Variants in ZNF521 observed in about 807,000 individuals in gnomAD.
ZNF521 encodes the protein zinc finger protein 521.
In ZNF521, 14 loss-of-function variants were observed where a neutral mutation model predicts 105.5. The ratio of observed to expected loss-of-function variants is 0.13; its 90% CI spans 0.09 to 0.21. ZNF521 has a LOEUF of 0.21. ZNF521 is among the 10% of genes least tolerant of loss of function. The pLI, the probability that ZNF521 is intolerant of heterozygous loss-of-function variation, is 1.00. For missense variants in ZNF521, 1,233 were observed against 1,629.7 expected (o/e 0.76, Z 4.19); for synonymous variants, 635 against 606.0 (o/e 1.05, Z -0.70).
At chr18:25,105,317 C>G (rs2034049704) in intron 5 of ZNF521, among the ~76,000 whole-genome samples, 1 of 152,132 alleles carries the variant, frequency 6.6e-6, no homozygotes, top group South Asian at 2.1e-4. Context: ...ATCACTATGG[C>G]CTTAATTCAC....
At chr18:25,332,476 A>G (rs1285101800) in intron 2 of ZNF521, among the ~76,000 whole-genome samples, 1 of 152,146 alleles carries the variant, frequency 6.6e-6, no homozygotes, top group African/African-American at 2.4e-5. Flanking sequence ...ATTTTAAAAT[A>G]CATACAACCC....
intron 5 of ZNF521, among the ~76,000 whole-genome samples, chr18:25,165,613 C>G (rs1377526169): frequency 6.6e-6 from 1 of 152,190 alleles, no homozygotes; most frequent in Non-Finnish European, 1.5e-5. Flanking sequence ...TTCTCATACT[C>G]CTACAAGGTG....
At chr18:25,197,380 T>C (rs2035920236) in intron 4 of ZNF521, among the ~76,000 whole-genome samples, 1 of 151,898 alleles carries the variant, frequency 6.6e-6, no homozygotes, top group African/African-American at 2.4e-5. Context: ...AAAGCAATGA[T>C]ATGCAAATTG....
intron 2 of ZNF521, among the ~76,000 whole-genome samples, chr18:25,333,331 T>TATAC (rs1913695225): frequency 1.3e-5 from 2 of 150,708 alleles, no homozygotes; most frequent in Non-Finnish European, 3.0e-5. Flanking sequence ...TATATATATA[T>TATAC]ATACACACAT....
At chr18:25,338,045 C>T (rs1343903933) in intron 2 of ZNF521, among the ~76,000 whole-genome samples, 1 of 152,140 alleles carries the variant, frequency 6.6e-6, no homozygotes, top group Non-Finnish European at 1.5e-5. Flanking sequence ...ATATACATCA[C>T]AATTTAAGAT....
At chr18:25,085,350 T>C (rs989077106) in intron 7 of ZNF521, among the ~76,000 whole-genome samples, 5 of 151,902 alleles carry the variant, frequency 3.3e-5, no homozygotes, top group Admixed American at 3.3e-4. Context: ...GGTTGTGTGA[T>C]GAACGTAACT....
rs556823170 is a variant in ZNF521, at chr18:25,188,666, G to A, written c.3658+6494C>T. ...TGATACATTCTACCGGAAGTCAAAGGTGAGGACAAAATGAGGTCCAGAAGC... is the reference window on the plus strand; with the variant it reads ...TGATACATTCTACCGGAAGTCAAAGATGAGGACAAAATGAGGTCCAGAAGC... On this transcript the variant is annotated intron_variant, in intron 5 of 7. Coordinates refer to ENST00000361524, the MANE Select transcript of ZNF521 (RefSeq NM_015461.3). 6.6e-5 allele frequency among the ~76,000 whole-genome samples: 10 copies of A among 152,252 alleles called. No homozygotes were observed. The East Asian group carries it at 1.9e-3, about 29-fold the overall frequency.
At chr18:25,221,421 T>C (rs1206181510) in intron 4 of ZNF521, among the ~76,000 whole-genome samples, 1 of 152,188 alleles carries the variant, frequency 6.6e-6, no homozygotes, top group African/African-American at 2.4e-5. Context: ...CTTTTTAGTC[T>C]TTGAAAGATG....
chr18:25,171,162 C>A (rs1211714270), intron 5 of ZNF521, among the ~76,000 whole-genome samples: 1 of 152,034 alleles, frequency 6.6e-6, no homozygotes, highest in Non-Finnish European at 1.5e-5. Context: ...AAAACAACAA[C>A]AAAAACTAAG....
chr18:25,074,621 A>G (rs1434223384), intron 7 of ZNF521, among the ~76,000 whole-genome samples: 2 of 152,144 alleles, frequency 1.3e-5, no homozygotes, highest in South Asian at 2.1e-4. Flanking sequence ...TTCTTAAGAT[A>G]TATTTTTATT....
At chr18:25,293,964 T>C (rs897944401) in intron 3 of ZNF521, among the ~76,000 whole-genome samples, 7 of 152,224 alleles carry the variant, frequency 4.6e-5, no homozygotes, top group African/African-American at 7.2e-5. Context: ...GAGCATGAGA[T>C]GTGAACTCTA....
chr18:25,348,813 C>G (rs533009860), intron 2 of ZNF521, among the ~76,000 whole-genome samples: 1 of 152,300 alleles, frequency 6.6e-6, no homozygotes, highest in East Asian at 1.9e-4. Context: ...AACCTAAGAA[C>G]TGCACAGGTA....
rs1284079325 is a variant in ZNF521 at position 25,173,958 on chromosome 18, T to A, written c.3658+21202A>T. 3.3e-5 allele frequency among the ~76,000 whole-genome samples: 5 copies of A among 152,190 alleles called. No individual in the cohort carries two copies. The East Asian group carries it at 9.6e-4, about 29-fold the overall frequency. ...TAAGATTCATTCCTTTCATTTTATCTGGCAAAAAGTATGTTTTCCGAAAGA... is the reference window on the plus strand; with the variant it reads ...TAAGATTCATTCCTTTCATTTTATCAGGCAAAAAGTATGTTTTCCGAAAGA... On this transcript the variant is annotated intron_variant, in intron 5 of 7. Coordinates refer to ENST00000361524, the MANE Select transcript of ZNF521 (RefSeq NM_015461.3).
intron 3 of ZNF521, among the ~76,000 whole-genome samples, chr18:25,260,842 C>A (rs1272090787): frequency 6.6e-6 from 1 of 152,060 alleles, no homozygotes. Flanking sequence ...GAAAGTAAAA[C>A]CCCATAAGGA....
chr18:25,326,668 T>A (rs1169940928), intron 2 of ZNF521, among the ~76,000 whole-genome samples: 2 of 152,338 alleles, frequency 1.3e-5, no homozygotes, highest in South Asian at 2.1e-4. Context: ...TTGCTGGAGA[T>A]ATAAATGAGG....
At chr18:25,116,782 T>A (rs2034311743) in intron 5 of ZNF521, among the ~76,000 whole-genome samples, 1 of 151,194 alleles carries the variant, frequency 6.6e-6, no homozygotes, top group South Asian at 2.1e-4. Flanking sequence ...AAGCTTCAGT[T>A]ATGTCTGACT....
chr18:25,286,714 A>G (rs1910726563), intron 3 of ZNF521, among the ~76,000 whole-genome samples: 1 of 152,168 alleles, frequency 6.6e-6, no homozygotes, highest in African/African-American at 2.4e-5. Context: ...GGTAGGAGGA[A>G]AGAAAAACGG....
chr18:25,299,143 A>G (rs1911486939), intron 3 of ZNF521, among the ~76,000 whole-genome samples: 2 of 152,172 alleles, frequency 1.3e-5, no homozygotes, highest in South Asian at 4.2e-4. Context: ...AAGGAAACTG[A>G]CTCATCCCTA....
intron 3 of ZNF521, among the ~76,000 whole-genome samples, chr18:25,238,168 C>G (rs934899100): frequency 3.9e-5 from 6 of 152,102 alleles, no homozygotes; most frequent in Non-Finnish European, 7.4e-5. Context: ...TCCACTAAAA[C>G]AACAACAACA....
Sources: allele counts gnomAD v4.1 joint callset (sites outside exome capture counted in the v4.1 genomes callset), GRCh38; gene constraint gnomAD v4.1.1; transcripts MANE v1.5; gene names NCBI Gene and HGNC (gene_info 2026-07-23, HGNC 2026-07-21).